Variants in CCDC125 observed in about 807,000 individuals in gnomAD.
CCDC125 encodes the protein coiled-coil domain containing 125, also known as coiled-coil domain-containing protein 125.
Under a neutral mutation model 57.4 loss-of-function variants are expected in CCDC125, and 43 were observed. The ratio of observed to expected loss-of-function variants is 0.75; its 90% CI spans 0.59 to 0.97. CCDC125 has a LOEUF of 0.97. CCDC125 is among the 50% of genes least tolerant of loss of function. The probability of loss-of-function intolerance (pLI) is 0.00; values close to 1 mark genes in which losing one functional copy is unlikely to be tolerated. For missense variants in CCDC125, 563 were observed against 595.7 expected (o/e 0.95, Z 0.57); for synonymous variants, 187 against 195.2 (o/e 0.96, Z 0.35).
At chr5:69,297,093 T>C (rs974056472) in intron 8 of CCDC125, among the ~76,000 whole-genome samples, 1 of 152,076 alleles carries the variant, frequency 6.6e-6, no homozygotes, top group Non-Finnish European at 1.5e-5. Context: ...TGAGACGGAG[T>C]CTCGCTCTGT....
At chr5:69,275,340 A>AT (rs1752009641), downstream of CCDC125, among the ~76,000 whole-genome samples, 2 of 152,096 alleles carry the variant, frequency 1.3e-5, no homozygotes, top group South Asian at 4.1e-4. Flanking sequence ...AAAAAGCCTT[A>AT]TTTTTTAAGA....
intron 10 of CCDC125, among the ~76,000 whole-genome samples, chr5:69,291,028 TAA>T (rs1353147688): frequency 2.0e-5 from 3 of 152,216 alleles, no homozygotes; most frequent in South Asian, 2.1e-4. Flanking sequence ...CACCTGAATA[TAA>T]GAGATGTTAG....
At chr5:69,305,076 A>T (rs1317499412) in intron 6 of CCDC125, among the ~76,000 whole-genome samples, 1 of 152,172 alleles carries the variant, frequency 6.6e-6, no homozygotes, top group Non-Finnish European at 1.5e-5. Flanking sequence ...GAAAAAAAAG[A>T]TACATAGGGT....
chr5:69,296,568 T>C lies in CCDC125; in HGVS notation c.817-1668A>G, dbSNP rs117762791. ...CTCTGTCTCAAAAATAAATAAATAATAAACTAGATTCTGATTCCTTTATTT... is the reference window on the plus strand; with the variant it reads ...CTCTGTCTCAAAAATAAATAAATAACAAACTAGATTCTGATTCCTTTATTT... On this transcript the variant is annotated intron_variant, in intron 8 of 11. Transcript: ENST00000396496. 2.5e-3 allele frequency among the ~76,000 whole-genome samples: 375 copies of C among 151,234 alleles called. 11 individuals carry two copies. The East Asian group carries it at 0.046, about 19-fold the overall frequency.
chr5:69,294,411 G>C (rs897125852), intron 9 of CCDC125, among the ~76,000 whole-genome samples: 10 of 151,778 alleles, frequency 6.6e-5, no homozygotes, highest in Admixed American at 6.6e-4. Context: ...GGATTCAAGC[G>C]ATTCTCCTGC....
chr5:69,274,490 A>G, the CCDC125 span, among the ~76,000 whole-genome samples: 1 of 152,208 alleles, frequency 6.6e-6, no homozygotes, highest in Non-Finnish European at 1.5e-5. Context: ...AATAAATAAA[A>G]AATGAAAATG....
chr5:69,304,475 G>A (rs1344186956), intron 6 of CCDC125, among the ~76,000 whole-genome samples: 2 of 148,448 alleles, frequency 1.3e-5, no homozygotes, highest in Non-Finnish European at 3.0e-5. Context: ...ACCTAGGCTG[G>A]AGTGCAGTCA....
At chr5:69,278,839 C>T (rs1337715879), downstream of CCDC125, among the ~76,000 whole-genome samples, 1 of 149,890 alleles carries the variant, frequency 6.7e-6, no homozygotes, top group East Asian at 2.0e-4. Context: ...GCTGGGACTA[C>T]AGGTGCATAC....
chr5:69,302,438 A>AC (rs1413972056), intron 7 of CCDC125, among the ~76,000 whole-genome samples: 1 of 148,360 alleles, frequency 6.7e-6, no homozygotes, highest in Admixed American at 6.8e-5. Context: ...AAAAAAAAAA[A>AC]AAAAAGGCCA....
chr5:69,277,295 T>TA (rs1336260888), downstream of CCDC125: 3 of 455,874 alleles, frequency 6.6e-6, no homozygotes, highest in African/African-American at 2.0e-5. Flanking sequence ...AAATGTATTT[T>TA]AAAATAAAAA....
intron 7 of CCDC125, 46 bp downstream of exon 7, chr5:69,303,801 T>C (rs1363574381): frequency 4.7e-6 from 5 of 1,071,200 alleles, no homozygotes; most frequent in Non-Finnish European, 7.1e-6. Flanking sequence ...TACTAGCATG[T>C]TATCTTTATT....
intron 8 of CCDC125, among the ~76,000 whole-genome samples, chr5:69,299,642 T>C (rs954656015): frequency 2.6e-5 from 4 of 152,206 alleles, no homozygotes; most frequent in Admixed American, 2.6e-4. Flanking sequence ...ATGGGGATAA[T>C]ATCTGCTTTG....
chr5:69,273,628 A>C, the CCDC125 span, among the ~76,000 whole-genome samples: 5 of 152,192 alleles, frequency 3.3e-5, no homozygotes, highest in Admixed American at 6.5e-5. Flanking sequence ...ACTCATGAAA[A>C]ATTTGGAAGA....
chr5:69,309,277 C>G (rs892001794), intron 4 of CCDC125: 1 of 152,184 alleles, frequency 6.6e-6, no homozygotes, highest in African/African-American at 2.4e-5. Flanking sequence ...TTGCAGCAGC[C>G]TCTCTCATCA....
chr5:69,320,716 A>G (rs554232961), intron 1 of CCDC125, 136 bp from the exon 2 acceptor site: 2 of 605,024 alleles, frequency 3.3e-6, no homozygotes, highest in Non-Finnish European at 5.8e-6. Context: ...AGCACTGTTC[A>G]CAATAGCCAA....
chr5:69,328,797 C>G, intron 1 of CCDC125, among the ~76,000 whole-genome samples: 2 of 144,098 alleles, frequency 1.4e-5, no homozygotes, highest in South Asian at 4.4e-4. Flanking sequence ...ATACGTTTGA[C>G]TTTTTTTTTT....
chr5:69,277,403 A>G (rs1458836285), downstream of CCDC125: 1 of 318,732 alleles, frequency 3.1e-6, no homozygotes, highest in African/African-American at 2.1e-5. Flanking sequence ...CTTAATAAAA[A>G]TTATTACCAG....
downstream of CCDC125, chr5:69,276,585 C>G (rs1488606493): frequency 6.2e-7 from 1 of 1,613,684 alleles, no homozygotes; most frequent in South Asian, 1.1e-5. Context: ...AGGGCCAACA[C>G]CTGGATGTCA....
downstream of CCDC125, chr5:69,276,697 T>C: frequency 1.2e-6 from 2 of 1,607,542 alleles, no homozygotes; most frequent in South Asian, 2.2e-5. Context: ...CAAGGTAAGA[T>C]TCCCACTTTT....
Sources: gnomAD v4.1 joint callset for allele counts (sites outside exome capture counted in the v4.1 genomes callset) on GRCh38, gnomAD v4.1.1 for gene constraint, MANE v1.5 for transcripts, NCBI Gene and HGNC (gene_info 2026-07-23, HGNC 2026-07-21) for gene names.